Variants in XRCC4 observed in about 807,000 individuals in gnomAD.
XRCC4 encodes X-ray repair cross complementing 4.
A neutral mutation model predicts 39.1 loss-of-function variants in XRCC4; 28 were observed. The observed-to-expected ratio is 0.72, with a 90% CI of 0.53 to 0.98. The LOEUF is 0.98. XRCC4 is among the 50% of genes least tolerant of loss of function. The probability of loss-of-function intolerance (pLI) is 0.00; values close to 1 mark genes in which losing one functional copy is unlikely to be tolerated. For synonymous variants in XRCC4, 123 were observed against 126.4 expected, an observed-to-expected ratio of 0.97 and a Z score of 0.18; for missense variants, 350 against 376.4, an observed-to-expected ratio of 0.93 and a Z score of 0.58.
chr5:83,181,148 A>G (rs1005620502), intron 3 of XRCC4, among the ~76,000 whole-genome samples: 1 of 137,172 alleles, frequency 7.3e-6, no homozygotes, highest in African/African-American at 2.7e-5. Flanking sequence ...ATTATCTATT[A>G]TCTTTTTATT....
At chr5:83,304,960 A>AAAT (rs1755426932) in intron 7 of XRCC4, among the ~76,000 whole-genome samples, 1 of 152,204 alleles carries the variant, frequency 6.6e-6, no homozygotes, top group Non-Finnish European at 1.5e-5. Flanking sequence ...TTGGGAAGAA[A>AAAT]AATAAAGTTT....
downstream of XRCC4, among the ~76,000 whole-genome samples, chr5:83,357,935 G>T (rs560856389): frequency 6.6e-6 from 1 of 152,020 alleles, no homozygotes; most frequent in East Asian, 1.9e-4. Flanking sequence ...ATTCACAAAG[G>T]CCTCACGAAT....
chr5:83,177,020 G>A (rs1749990199), intron 3 of XRCC4, among the ~76,000 whole-genome samples: 1 of 152,096 alleles, frequency 6.6e-6, no homozygotes, highest in Admixed American at 6.5e-5. Flanking sequence ...AAATAAAGCA[G>A]TAATATTAGC....
intron 3 of XRCC4, among the ~76,000 whole-genome samples, chr5:83,153,590 C>T (rs576541025): frequency 9.9e-5 from 15 of 152,236 alleles, no homozygotes; most frequent in South Asian, 2.1e-4. Context: ...GCCATCAGTG[C>T]GCACCTTCCT....
chr5:83,188,857 C>G (rs1178846684), intron 3 of XRCC4, among the ~76,000 whole-genome samples: 1 of 152,128 alleles, frequency 6.6e-6, no homozygotes, highest in Non-Finnish European at 1.5e-5. Flanking sequence ...TGTTTTACCT[C>G]TGAGTAGACA....
At chr5:83,315,297 T>C (rs892125105) in intron 7 of XRCC4, among the ~76,000 whole-genome samples, 5 of 151,974 alleles carry the variant, frequency 3.3e-5, no homozygotes, top group South Asian at 2.1e-4. Context: ...CTAGCCGAGA[T>C]TGGTTTAGGA....
chr5:83,227,363 G>A (rs1334237574), intron 6 of XRCC4, among the ~76,000 whole-genome samples: 13 of 151,974 alleles, frequency 8.6e-5, no homozygotes, highest in Non-Finnish European at 1.5e-5. Context: ...GCTGATGGAC[G>A]ATTATGTAAT....
At chr5:83,268,189 G>T (rs1035490724) in intron 7 of XRCC4, among the ~76,000 whole-genome samples, 1 of 152,100 alleles carries the variant, frequency 6.6e-6, no homozygotes, top group Non-Finnish European at 1.5e-5. Flanking sequence ...GGAACAGCAG[G>T]GATGAATTGA....
At chr5:83,325,844 C>T (rs191963749) in intron 7 of XRCC4, among the ~76,000 whole-genome samples, 22 of 151,988 alleles carry the variant, frequency 1.4e-4, no homozygotes, top group East Asian at 1.9e-4. Flanking sequence ...TTGCTGGGTC[C>T]GATGGTATTT....
At chr5:83,140,322 C>CT (rs536378085) in intron 3 of XRCC4, among the ~76,000 whole-genome samples, 7 of 152,190 alleles carry the variant, frequency 4.6e-5, no homozygotes, top group Non-Finnish European at 1.0e-4. Flanking sequence ...CGATGTAAGT[C>CT]TAAGAGCTCA....
intron 6 of XRCC4, among the ~76,000 whole-genome samples, chr5:83,207,834 C>A (rs1751479789): frequency 6.6e-6 from 1 of 151,932 alleles, no homozygotes; most frequent in Non-Finnish European, 1.5e-5. Flanking sequence ...TTTTTTGAGG[C>A]AGAGCAGTGA....
intron 3 of XRCC4, among the ~76,000 whole-genome samples, chr5:83,186,459 A>G (rs1403249145): frequency 1.3e-5 from 2 of 152,138 alleles, no homozygotes; most frequent in Non-Finnish European, 2.9e-5. Context: ...CTTTATTCGC[A>G]CATCACCTTC....
At chr5:83,197,204 T>A (rs911903890) in intron 4 of XRCC4, among the ~76,000 whole-genome samples, 2 of 152,082 alleles carry the variant, frequency 1.3e-5, no homozygotes, top group Non-Finnish European at 2.9e-5. Context: ...TCTCTTTAAC[T>A]GCTGTTTATT....
At chr5:83,217,369 A>AC (rs1481160782) in intron 6 of XRCC4, among the ~76,000 whole-genome samples, 1 of 151,510 alleles carries the variant, frequency 6.6e-6, no homozygotes, top group Non-Finnish European at 1.5e-5. Flanking sequence ...AAAAAAAAAA[A>AC]AAAAAAAACC....
intron 3 of XRCC4, among the ~76,000 whole-genome samples, chr5:83,158,176 C>A (rs1331657495): frequency 6.6e-6 from 1 of 151,966 alleles, no homozygotes; most frequent in Non-Finnish European, 1.5e-5. Flanking sequence ...GCGTTTCTAC[C>A]AAGTAAAGGA....
At chr5:83,228,272 G>A (rs78503724) in intron 6 of XRCC4, among the ~76,000 whole-genome samples, 2,418 of 151,938 alleles carry the variant, frequency 0.016, 58 homozygotes, top group African/African-American at 0.054. Context: ...AATTTTGAAT[G>A]TATGTGGTAG....
At chr5:83,223,829 C>G (rs1752183797) in intron 6 of XRCC4, among the ~76,000 whole-genome samples, 1 of 97,164 alleles carries the variant, frequency 1.0e-5, no homozygotes, top group Admixed American at 1.5e-4. Flanking sequence ...TATCCCTCCC[C>G]CCTCCCCCCA....
intron 3 of XRCC4, among the ~76,000 whole-genome samples, chr5:83,170,990 G>A (rs1749696012): frequency 6.6e-6 from 1 of 152,006 alleles, no homozygotes; most frequent in African/African-American, 2.4e-5. Flanking sequence ...TCTAGTTTCA[G>A]AAAAGGAAAA....
In XRCC4 at chr5:83,258,778, A is replaced by G. The variant is rs897011627; in HGVS notation, c.893+101A>G. On this transcript the variant is annotated intron_variant, in intron 7 of 7. Transcript: ENST00000396027. ...TTTCATTTTGAACGTTTTTAAAGTTATTTTTAAGAAAATGTCATTTTGGAA... is the reference window on the plus strand; with the variant it reads ...TTTCATTTTGAACGTTTTTAAAGTTGTTTTTAAGAAAATGTCATTTTGGAA... 1.2e-5 allele frequency: 16 copies of G among 1,323,704 alleles called. No individual in the cohort carries two copies. In the Admixed American group the frequency reaches 4.3e-4, roughly 35 times the overall value. The allele number at this position is 1,323,704 out of a possible 1,614,324, so 82.0% of individuals were successfully genotyped here. A position where few individuals can be genotyped will look rare whatever the true frequency, so the allele number is the denominator to read the frequency against.
Sources: allele counts gnomAD v4.1 joint callset (sites outside exome capture counted in the v4.1 genomes callset), GRCh38; gene constraint gnomAD v4.1.1; transcripts MANE v1.5; gene names NCBI Gene and HGNC (gene_info 2026-07-23, HGNC 2026-07-21).